The following KLHL22 variants were observed in gnomAD, a reference collection of about 807,000 sequenced individuals.
KLHL22 encodes kelch-like protein 22.
In KLHL22, 18 loss-of-function variants were observed where a neutral mutation model predicts 60.7. The observed-to-expected ratio is 0.30, with a 90% CI of 0.20 to 0.44. The LOEUF is 0.44. Among genes scored for constraint, KLHL22 ranks in the 20% least tolerant of loss-of-function variants. KLHL22 has a pLI of 1.00. For synonymous variants in KLHL22, 355 were observed against 354.5 expected, an observed-to-expected ratio of 1.00 and a Z score of -0.01; for missense variants, 596 against 852.3, an observed-to-expected ratio of 0.70 and a Z score of 3.74.
chr22:20,453,555 CTA>C (rs2053013639), intron 5 of KLHL22, among the ~76,000 whole-genome samples: 1 of 152,070 alleles, frequency 6.6e-6, no homozygotes, highest in Non-Finnish European at 1.5e-5. Context: ...ATTACTGTAG[CTA>C]TGTAGTAATC....
chr22:20,479,480 T>C (rs889440725), intron 2 of KLHL22, among the ~76,000 whole-genome samples: 8 of 151,972 alleles, frequency 5.3e-5, no homozygotes, highest in South Asian at 2.1e-4. Flanking sequence ...GGTGGGAGGA[T>C]TGCTTGAGCC....
Position 20,465,567 on chromosome 22 carries a change from T to G in KLHL22, c.403A>C (p.Ile135Leu). The G allele has an allele frequency of 6.6e-7, 1 of 1,506,724 alleles. No homozygotes were observed. 93.3% of individuals were successfully genotyped at this position (1,506,724 alleles called of 1,614,324 possible). A position where few individuals can be genotyped will look rare whatever the true frequency, so the allele number is the denominator to read the frequency against. ...VAACQLQIPE[I>L]IHFCCDFLMS... ...AGGAAATCACAGCAGAAATGGATAA[T>G]TTCTGGGATCTGCAGAGAGAATGAC... The change falls in exon 4 of 7, where the codon ATT (isoleucine) becomes CTT (leucine). Residue 135 changes from isoleucine to leucine, a missense_variant. Coordinates refer to ENST00000328879, the MANE Select transcript of KLHL22 (RefSeq NM_032775.4). The surrounding 1 kb of genome is among the most constrained non-coding windows in gnomAD (Gnocchi z 4.9).
rs375658481 is a variant in KLHL22, at chr22:20,442,352, C to T, written c.1626G>A (p.Leu542=). 32 of 1,613,780 alleles carry T rather than the reference C, an allele frequency of 2.0e-5. No individual in the cohort carries two copies. The highest frequency in any genetic ancestry group is 2.6e-5 in the Non-Finnish European group (31 of 1,179,988). ...AGHGEPGIAV[L]DNRIYVLGGR... is the part of the protein sequence containing the mutation. ...CACCTAACACATAGATCCTGTTGTC[C>T]AGCACAGCAATGCCAGGCTCACCGT... is the stretch of plus-strand genomic sequence containing the variant. Residue 542 remains leucine (L), a synonymous_variant, in exon 7 of 7, where the codon CTG becomes CTA. Transcript: ENST00000328879.
chr22:20,451,326 T>G, intron 5 of KLHL22: 2 of 1,610,564 alleles, frequency 1.2e-6, no homozygotes, highest in African/African-American at 1.3e-5. Context: ...ATCCAAACAT[T>G]GACCAGAGGA....
intron 1 of KLHL22, chr22:20,489,934 G>C (rs1194644592): frequency 5.3e-6 from 2 of 378,450 alleles, no homozygotes; most frequent in Admixed American, 3.8e-5. Flanking sequence ...TTAAATTAAA[G>C]ATTATCTTCT....
intron 2 of KLHL22, among the ~76,000 whole-genome samples, chr22:20,487,709 T>C (rs1358619494): frequency 6.6e-6 from 1 of 152,138 alleles, no homozygotes; most frequent in Non-Finnish European, 1.5e-5. Context: ...CAAGGGGGGC[T>C]GTGGAAAGGG....
chr22:20,485,084 C>G (rs1982016725), intron 2 of KLHL22, among the ~76,000 whole-genome samples: 1 of 152,098 alleles, frequency 6.6e-6, no homozygotes, highest in Admixed American at 6.6e-5. Context: ...ATAAAATCAT[C>G]AATTGTATCC....
rs1255594495 is a variant in KLHL22 at position 20,489,308 on chromosome 22, C to G, written c.-33-64G>C. ...AGGCATCAGCCCCACCACACACAGACTGGCCAGCTCTGTTGCTCCCCTTGC... is the reference window on the plus strand; with the variant it reads ...AGGCATCAGCCCCACCACACACAGAGTGGCCAGCTCTGTTGCTCCCCTTGC... On this transcript the variant is annotated intron_variant, in intron 1 of 6. Coordinates refer to ENST00000328879, the MANE Select transcript of KLHL22 (RefSeq NM_032775.4). 1.2e-5 allele frequency: 14 copies of G among 1,187,850 alleles called. No homozygotes were observed. The East Asian group carries it at 3.0e-4, about 25-fold the overall frequency. 73.6% of individuals were successfully genotyped at this position (1,187,850 alleles called of 1,614,324 possible). A position where few individuals can be genotyped will look rare whatever the true frequency, so the allele number is the denominator to read the frequency against.
chr22:20,480,827 CTT>C (rs760373717), intron 2 of KLHL22, among the ~76,000 whole-genome samples: 20 of 121,550 alleles, frequency 1.6e-4, no homozygotes, highest in East Asian at 2.8e-4. Flanking sequence ...TTACGCCAAA[CTT>C]TTTTTTTTTT....
chr22:20,483,208 C>T, intron 2 of KLHL22: 1 of 659,894 alleles, frequency 1.5e-6, no homozygotes, highest in Non-Finnish European at 2.8e-6. Context: ...GGACGTACGT[C>T]TCAACTCCGT....
At chr22:20,482,833 G>T in intron 2 of KLHL22, 3 of 1,270,812 alleles carry the variant, frequency 2.4e-6, no homozygotes, top group Non-Finnish European at 3.4e-6. Flanking sequence ...TCAGAACTTT[G>T]GTGTCATTGG....
intron 1 of KLHL22, chr22:20,489,869 C>G (rs1233440297): frequency 4.3e-6 from 2 of 464,052 alleles, no homozygotes; most frequent in South Asian, 3.2e-5. Context: ...TTCTGAGAGT[C>G]AAGCACAGTA....
intron 5 of KLHL22, among the ~76,000 whole-genome samples, chr22:20,447,774 C>A (rs761633017): frequency 6.6e-5 from 10 of 152,162 alleles, no homozygotes; most frequent in Non-Finnish European, 1.3e-4. Context: ...ATCTCCTGAC[C>A]TCGTGACCCA....
chr22:20,493,205 C>T, intron 1 of KLHL22: 1 of 471,320 alleles, frequency 2.1e-6, no homozygotes. Context: ...GGCAGCTACT[C>T]CCTAAACCCA....
chr22:20,484,731 CTT>C (rs10712145), intron 2 of KLHL22, among the ~76,000 whole-genome samples: 201 of 137,768 alleles, frequency 1.5e-3, no homozygotes, highest in Non-Finnish European at 1.5e-3. Context: ...TGTGCTCAGC[CTT>C]TTTTTTTTTT....
At chr22:20,491,045 G>C (rs939382740) in intron 1 of KLHL22, 5 of 152,138 alleles carry the variant, frequency 3.3e-5, no homozygotes, top group Non-Finnish European at 7.3e-5. Context: ...TCCCCTTCTT[G>C]GGTTCAACTA....
chr22:20,474,022 C>G (rs377084082), intron 2 of KLHL22, among the ~76,000 whole-genome samples: 2 of 152,090 alleles, frequency 1.3e-5, no homozygotes, highest in Admixed American at 6.5e-5. Context: ...TTTTTTGAGA[C>G]GAAGTCTCAC....
chr22:20,493,688 A>T (rs2053725090), intron 1 of KLHL22, among the ~76,000 whole-genome samples: 1 of 152,184 alleles, frequency 6.6e-6, no homozygotes, highest in Admixed American at 6.5e-5. Context: ...AGGCTGAGGC[A>T]GGAGAATCAC....
intron 1 of KLHL22, among the ~76,000 whole-genome samples, chr22:20,494,341 A>G (rs1191803422): frequency 6.6e-6 from 1 of 152,142 alleles, no homozygotes; most frequent in Non-Finnish European, 1.5e-5. Context: ...CTTCCTCAGA[A>G]GCTGGAACAA....
Sources: allele counts gnomAD v4.1 joint callset (sites outside exome capture counted in the v4.1 genomes callset), GRCh38; gene constraint gnomAD v4.1.1; non-coding constraint Gnocchi (gnomAD v3.1); transcripts MANE v1.5; gene names NCBI Gene and HGNC (gene_info 2026-07-23, HGNC 2026-07-21).